ZBTB20: variants seen among roughly 807,000 people sequenced by gnomAD.
ZBTB20 encodes zinc finger and BTB domain containing 20, also known as zinc finger and BTB domain-containing protein 20.
A neutral mutation model predicts 56.9 loss-of-function variants in ZBTB20; 9 were observed. The observed-to-expected ratio is 0.16, with a 90% confidence interval of 0.10 to 0.28. The LOEUF is 0.28. Among genes scored for constraint, ZBTB20 ranks in the 10% least tolerant of loss-of-function variants. The pLI is 1.00. For synonymous variants in ZBTB20, 417 were observed against 420.7 expected (o/e 0.99, Z 0.11); for missense variants, 655 against 1,003.0 (o/e 0.65, Z 4.69).
chr3:114,653,953 G>T (rs1227783632), intron 6 of ZBTB20, among the ~76,000 whole-genome samples: 2 of 151,738 alleles, frequency 1.3e-5, no homozygotes, highest in Non-Finnish European at 2.9e-5. Context: ...GTTATGATAT[G>T]TAATGATAAT....
chr3:114,937,097 T>G (rs959071086), intron 3 of ZBTB20, among the ~76,000 whole-genome samples: 1 of 152,224 alleles, frequency 6.6e-6, no homozygotes, highest in Non-Finnish European at 1.5e-5. Context: ...TGTGTCTTTA[T>G]AGCAGAAGGA....
intron 1 of ZBTB20, among the ~76,000 whole-genome samples, chr3:115,113,935 G>C (rs1489740455): frequency 1.3e-5 from 2 of 151,872 alleles, no homozygotes; most frequent in African/African-American, 2.4e-5. Context: ...TCTTTTCTGA[G>C]TCATTTCTGT....
At chr3:114,349,361 G>A (rs944654482) in intron 11 of ZBTB20, among the ~76,000 whole-genome samples, 6 of 152,118 alleles carry the variant, frequency 3.9e-5, no homozygotes, top group African/African-American at 1.4e-4. Flanking sequence ...CCATATCTCT[G>A]TACCACTATG....
chr3:114,366,326 T>G (rs1375914179), intron 10 of ZBTB20, among the ~76,000 whole-genome samples: 1 of 152,202 alleles, frequency 6.6e-6, no homozygotes, highest in Non-Finnish European at 1.5e-5. Context: ...TCCATTGTTA[T>G]ATTCATTCCT....
chr3:114,407,125 G>A (rs2087415194), intron 7 of ZBTB20, among the ~76,000 whole-genome samples: 1 of 152,164 alleles, frequency 6.6e-6, no homozygotes, highest in South Asian at 2.1e-4. Flanking sequence ...CACTGTCCCA[G>A]TTTTTCAGAC....
intron 7 of ZBTB20, among the ~76,000 whole-genome samples, chr3:114,488,178 A>G (rs2042346025): frequency 6.6e-6 from 1 of 151,872 alleles, no homozygotes; most frequent in Non-Finnish European, 1.5e-5. Flanking sequence ...TTCCCACAAC[A>G]CTCCCCTGAA....
At chr3:115,012,404 G>T (rs977018299) in intron 2 of ZBTB20, among the ~76,000 whole-genome samples, 8 of 151,742 alleles carry the variant, frequency 5.3e-5, no homozygotes, top group African/African-American at 1.9e-4. Flanking sequence ...AACTAAAAAA[G>T]AGCAGGAGTT....
intron 2 of ZBTB20, among the ~76,000 whole-genome samples, chr3:115,044,758 G>C (rs2081276618): frequency 1.3e-5 from 2 of 152,172 alleles, no homozygotes; most frequent in African/African-American, 4.8e-5. Context: ...GAGAACACAA[G>C]CTACTTTCAA....
intron 6 of ZBTB20, among the ~76,000 whole-genome samples, chr3:114,531,681 A>G (rs1218788932): frequency 6.6e-6 from 1 of 152,186 alleles, no homozygotes; most frequent in Admixed American, 6.5e-5. Context: ...AAAGTTTAAA[A>G]AATGACCCTG....
At chr3:114,748,380 T>TCTCTCTA in intron 5 of ZBTB20, among the ~76,000 whole-genome samples, 1 of 36,148 alleles carries the variant, frequency 2.8e-5, no homozygotes, top group South Asian at 9.6e-4. Flanking sequence ...CTCTCTCTCT[T>TCTCTCTA]TCTTTCTTTT....
At chr3:115,047,693 A>T (rs899490659) in intron 2 of ZBTB20, among the ~76,000 whole-genome samples, 4 of 152,204 alleles carry the variant, frequency 2.6e-5, no homozygotes, top group Non-Finnish European at 5.9e-5. Flanking sequence ...CGGACATATT[A>T]TATACTGTAT....
intron 2 of ZBTB20, among the ~76,000 whole-genome samples, chr3:115,022,442 C>G (rs1479912446): frequency 6.6e-6 from 1 of 150,984 alleles, no homozygotes; most frequent in African/African-American, 2.4e-5. Flanking sequence ...TCAGTGCCAA[C>G]AACATATCAT....
Position 114,316,629 on chromosome 3 carries a change from TG to T in ZBTB20, c.*22375del. 1 of 518,504 alleles carries T rather than the reference TG, an allele frequency of 1.9e-6. No individual in the cohort carries two copies. The highest frequency in any genetic ancestry group is 3.9e-6 in the Non-Finnish European group (1 of 253,646). The allele number at this position is 518,504 out of a possible 1,614,324, so 32.1% of individuals were successfully genotyped here. On this transcript the variant is annotated 3_prime_UTR_variant, in exon 12 of 12. Transcript: ENST00000675478. ...CACTAGCACATGCTTAACTTTCCCC[TG>T]CTCCCTCTGTATATTTTAAACAGTC...
At chr3:114,661,392 T>G (rs1168209354) in intron 6 of ZBTB20, among the ~76,000 whole-genome samples, 1 of 152,160 alleles carries the variant, frequency 6.6e-6, no homozygotes, top group East Asian at 1.9e-4. Context: ...TCTTCCCATA[T>G]TTAGTAATAG....
intron 6 of ZBTB20, chr3:114,529,369 G>A (rs2047583520): frequency 6.6e-6 from 1 of 152,176 alleles, no homozygotes; most frequent in African/African-American, 2.4e-5. Flanking sequence ...GAGCAAGAGA[G>A]AAACTCATGT....
At chr3:114,473,705 T>C (rs952920227) in intron 7 of ZBTB20, among the ~76,000 whole-genome samples, 3 of 152,146 alleles carry the variant, frequency 2.0e-5, no homozygotes, top group Non-Finnish European at 4.4e-5. Context: ...AATCACAGAT[T>C]CCTGGGCCTT....
intron 6 of ZBTB20, among the ~76,000 whole-genome samples, chr3:114,566,396 G>A (rs1295809651): frequency 2.6e-5 from 4 of 152,224 alleles, no homozygotes; most frequent in African/African-American, 9.6e-5. Flanking sequence ...AGAAGAGGTG[G>A]GTGGTTCCTT....
chr3:115,145,916 T>A (rs532857491), intron 1 of ZBTB20, among the ~76,000 whole-genome samples: 36 of 152,210 alleles, frequency 2.4e-4, no homozygotes, highest in African/African-American at 8.4e-4. Context: ...CTTGAAAACA[T>A]TGGGTGAATG....
chr3:114,723,738 T>C (rs1163594683), intron 5 of ZBTB20, among the ~76,000 whole-genome samples: 1 of 152,226 alleles, frequency 6.6e-6, no homozygotes, highest in Admixed American at 6.5e-5. Context: ...ATTTGCAAAA[T>C]ATTTATTAAA....
Sources: allele counts gnomAD v4.1 joint callset (sites outside exome capture counted in the v4.1 genomes callset), GRCh38; gene constraint gnomAD v4.1.1; transcripts MANE v1.5; gene names NCBI Gene and HGNC (gene_info 2026-07-23, HGNC 2026-07-21).